Variants in PCDHGC3 observed in about 807,000 individuals in gnomAD.
PCDHGC3 encodes the protein protocadherin gamma-C3.
PCDHGC3 carries 26 observed loss-of-function variants against 59.2 expected under a neutral mutation model. The observed-to-expected ratio is 0.44, with a 90% CI of 0.32 to 0.61. The LOEUF (loss-of-function observed/expected upper bound fraction) is 0.61, where lower values mean the gene tolerates loss of function less well. PCDHGC3 is among the 20% of genes least tolerant of loss of function. PCDHGC3 has a pLI of 0.05. For synonymous variants in PCDHGC3, 487 were observed against 519.7 expected (o/e 0.94, Z 0.86); for missense variants, 1,080 against 1,221.8 (o/e 0.88, Z 1.73).
At chr5:141,488,183 T>C (rs1249953031) in intron 1 of PCDHGC3, among the ~76,000 whole-genome samples, 1 of 152,148 alleles carries the variant, frequency 6.6e-6, no homozygotes, top group Non-Finnish European at 1.5e-5. Flanking sequence ...CATAGATCTT[T>C]TGGTCTGGGT....
chr5:141,485,922 G>C lies in PCDHGC3; in HGVS notation c.2430+7376G>C. 6.2e-7 allele frequency: 1 copy of C among 1,614,170 alleles called. No individual in the cohort carries two copies. The highest frequency in any genetic ancestry group is 8.5e-7 in the Non-Finnish European group (1 of 1,180,036). On this transcript the variant is annotated intron_variant, in intron 1 of 3. Transcript: ENST00000308177. This position sits in a 1 kb window ranked among gnomAD's most constrained non-coding sequence, Gnocchi z 5.7. The stretch of plus-strand genomic sequence containing the variant: ...TTCCAGCAATCCAGCTACAGGATTA[G>C]TGTGTTGGAGAGCGCACCAGCGGGC...
Position 141,487,691 on chromosome 5 carries a change from A to T in PCDHGC3, c.2431-7116A>T. On this transcript the variant is annotated intron_variant, in intron 1 of 3. Transcript: ENST00000308177. The surrounding 1 kb of genome is among the most constrained non-coding windows in gnomAD (Gnocchi z 5.0). ...CATATGGCTAGGCCATGTCCTAGAG[A>T]GTACTGGCCTCTCAGTAAGTGCCCA... 6.2e-7 allele frequency: 1 copy of T among 1,604,122 alleles called. No individual in the cohort carries two copies. The highest frequency in any genetic ancestry group is 8.5e-7 in the Non-Finnish European group (1 of 1,174,384).
intron 1 of PCDHGC3, among the ~76,000 whole-genome samples, chr5:141,481,820 C>T (rs2099545799): frequency 6.6e-6 from 1 of 150,726 alleles, no homozygotes; most frequent in Non-Finnish European, 1.5e-5. Context: ...GGCGTGGTGG[C>T]TGAGGCAGGA....
intron 2 of PCDHGC3, among the ~76,000 whole-genome samples, chr5:141,504,651 G>A (rs905210723): frequency 8.4e-6 from 1 of 119,750 alleles, no homozygotes; most frequent in Non-Finnish European, 1.6e-5. Flanking sequence ...ATGATAGAGT[G>A]TTTGAGGGCG....
rs2099427641 is a variant in PCDHGC3, at chr5:141,477,974, G to T, written c.1858G>T (p.Ala620Ser). The T allele has an allele frequency of 1.2e-6, 2 of 1,614,034 alleles. No homozygotes were observed. The highest frequency in any genetic ancestry group is 1.6e-4 in the Middle Eastern group (1 of 6,062). The change falls in exon 1 of 4, where the codon GCC (alanine) becomes TCC (serine). Residue 620 changes from alanine (A) to serine (S), a missense_variant. Ala to Ser is a moderately conservative substitution (Grantham distance 99). Transcript: ENST00000308177. This position sits in a 1 kb window ranked among gnomAD's most constrained non-coding sequence, Gnocchi z 4.9. ...GGGATCCCCTAACCAGAGCCTTTTT[G>T]CCATAGGGCTGCACACTGGTCAAAT... ...LLGSPNQSLFAIGLHTGQIST... is the reference protein window; with the variant it reads ...LLGSPNQSLFSIGLHTGQIST...
At chr5:141,494,644 G>A in intron 1 of PCDHGC3, 163 bp from the exon 2 acceptor site, 1 of 933,684 alleles carries the variant, frequency 1.1e-6, no homozygotes. Flanking sequence ...TGAGACCTGA[G>A]GTGTATTTTG....
Position 141,477,554 on chromosome 5 carries a change from A to T in PCDHGC3, c.1438A>T (p.Ser480Cys). The T allele has an allele frequency of 6.2e-7, 1 of 1,614,112 alleles. No homozygotes were observed. Among genetic ancestry groups the T allele is most frequent in the South Asian group, 1.1e-5 (1 of 91,086 alleles). Reference sequence around the variant, plus strand: ...CCCCGGGGCTCCAATACTAAACCTAAGTGTCTGGGACCCCGACGCCCCGCA... The same window carrying T: ...CCCCGGGGCTCCAATACTAAACCTATGTGTCTGGGACCCCGACGCCCCGCA... ...NLPGAPILNLSVWDPDAPQNA... is the reference protein window; with the variant it reads ...NLPGAPILNLCVWDPDAPQNA... Residue 480 changes from serine (S) to cysteine (C), a missense_variant, in exon 1 of 4, where the codon AGT (serine) becomes TGT (cysteine). Transcript: ENST00000308177. This position sits in a 1 kb window ranked among gnomAD's most constrained non-coding sequence, Gnocchi z 4.9.
chr5:141,495,470 C>A (rs2099761615), intron 2 of PCDHGC3, among the ~76,000 whole-genome samples: 1 of 152,196 alleles, frequency 6.6e-6, no homozygotes, highest in African/African-American at 2.4e-5. Flanking sequence ...GTGGGGTCTC[C>A]GTGTCTCTGC....
At position 141,511,227 on chromosome 5, in the gene PCDHGC3, TCTC is replaced by T. The variant is rs2099883680; in HGVS notation, c.*57_*59del. 2 of 1,599,470 alleles carry T rather than the reference TCTC, an allele frequency of 1.3e-6. No homozygotes were observed. Among genetic ancestry groups the T allele is most frequent in the Non-Finnish European group, 1.7e-6 (2 of 1,173,054 alleles). ...CGGCCTCTCCCCAACCAGCCCAGCTTCTCCTTACCTGCACCCAGGCCTCAGAGT... is the reference window on the plus strand; with the variant it reads ...CGGCCTCTCCCCAACCAGCCCAGCTTCTTACCTGCACCCAGGCCTCAGAGT... On this transcript the variant is annotated 3_prime_UTR_variant, in exon 4 of 4. Transcript: ENST00000308177.
intron 1 of PCDHGC3, chr5:141,478,866 C>T (rs1392885307): frequency 1.5e-6 from 2 of 1,304,352 alleles, no homozygotes; most frequent in Non-Finnish European, 2.0e-6. Flanking sequence ...TCTCAGCGAT[C>T]AGAGTTTAGC....
At position 141,486,092 on chromosome 5, in the gene PCDHGC3, C is replaced by T. The variant is rs2099624294; in HGVS notation, c.2430+7546C>T. The T allele has an allele frequency of 3.7e-6, 6 of 1,614,148 alleles. No homozygotes were observed. In the East Asian group the frequency reaches 1.3e-4, roughly 36 times the overall value. On this transcript the variant is annotated intron_variant, in intron 1 of 3. Coordinates refer to ENST00000308177, the MANE Select transcript of PCDHGC3 (RefSeq NM_002588.4). This position sits in a 1 kb window ranked among gnomAD's most constrained non-coding sequence, Gnocchi z 5.0. Reference sequence around the variant, plus strand: ...TACTGGAAAGCTTACTCTTTTGGGGCCCCTAGACTTTGAGAGTGAGAATTA... The same window carrying T: ...TACTGGAAAGCTTACTCTTTTGGGGTCCCTAGACTTTGAGAGTGAGAATTA...
At chr5:141,508,739 C>A (rs1344024245) in intron 3 of PCDHGC3, among the ~76,000 whole-genome samples, 1 of 152,156 alleles carries the variant, frequency 6.6e-6, no homozygotes, top group African/African-American at 2.4e-5. Context: ...ACACCCCCCA[C>A]CCCGCTCTTT....
At position 141,490,840 on chromosome 5, in the gene PCDHGC3, G is replaced by C. The variant is rs1177428192; in HGVS notation, c.2431-3967G>C. On this transcript the variant is annotated intron_variant, in intron 1 of 3. Transcript: ENST00000308177. This position sits in a 1 kb window ranked among gnomAD's most constrained non-coding sequence, Gnocchi z 5.4. Reference sequence around the variant, plus strand: ...ATTGCTGCAGATGCTGCAGATTGTGGTGGGGGTTCGAGACTCCGGCTCTCC... The same window carrying C: ...ATTGCTGCAGATGCTGCAGATTGTGCTGGGGGTTCGAGACTCCGGCTCTCC... 2 of 1,613,900 alleles carry C rather than the reference G, an allele frequency of 1.2e-6. No homozygotes were observed. Among genetic ancestry groups the C allele is most frequent in the Middle Eastern group, 3.3e-4 (2 of 6,058 alleles).
In PCDHGC3 at chr5:141,485,576, C is replaced by T. The variant is rs1347032247; in HGVS notation, c.2430+7030C>T. ...GAATGATCACGCCCCCCGTTTTCCG[C>T]GGCAGCAGCTGGACTTGGAAATTGG... On this transcript the variant is annotated intron_variant, in intron 1 of 3. Transcript: ENST00000308177. The surrounding 1 kb of genome is among the most constrained non-coding windows in gnomAD (Gnocchi z 5.7). 21 of 1,612,296 alleles carry T rather than the reference C, an allele frequency of 1.3e-5. 1 individual carries two copies. Among genetic ancestry groups the T allele is most frequent in the Non-Finnish European group, 1.8e-5 (21 of 1,178,636 alleles).
Position 141,489,897 on chromosome 5 carries a change from C to G in PCDHGC3, c.2431-4910C>G. ...TGCTTACTGCTGTGGATGGGGGGAC[C>G]CCAGCCCGCTCAGGGACCACCCTTA... is the stretch of plus-strand genomic sequence containing the variant. On this transcript the variant is annotated intron_variant, in intron 1 of 3. Transcript: ENST00000308177. This position sits in a 1 kb window ranked among gnomAD's most constrained non-coding sequence, Gnocchi z 4.5. 1 of 1,614,162 alleles carries G rather than the reference C, an allele frequency of 6.2e-7. No individual in the cohort carries two copies. Among genetic ancestry groups the G allele is most frequent in the Non-Finnish European group, 8.5e-7 (1 of 1,180,016 alleles).
chr5:141,503,608 A>G (rs1451651299), intron 2 of PCDHGC3, among the ~76,000 whole-genome samples: 3 of 151,994 alleles, frequency 2.0e-5, no homozygotes, highest in South Asian at 2.1e-4. Flanking sequence ...CAAAAAAAAA[A>G]AAAAAAGAAA....
rs765249445 is a variant in PCDHGC3, at chr5:141,489,754, C to T, written c.2431-5053C>T. ...CACCAATACTGTGAGCTTTTACACT[C>T]TAAGCCCCAACAGCCACTTCTCTCT... is the stretch of plus-strand genomic sequence containing the variant. On this transcript the variant is annotated intron_variant, in intron 1 of 3. Coordinates refer to ENST00000308177, the MANE Select transcript of PCDHGC3 (RefSeq NM_002588.4). The surrounding 1 kb of genome is among the most constrained non-coding windows in gnomAD (Gnocchi z 4.5). The T allele has an allele frequency of 4.0e-5, 64 of 1,613,992 alleles. No individual in the cohort carries two copies. The South Asian group carries it at 6.8e-4, about 17-fold the overall frequency.
chr5:141,503,130 C>A (rs1406819266), intron 2 of PCDHGC3, among the ~76,000 whole-genome samples: 1 of 151,980 alleles, frequency 6.6e-6, no homozygotes, highest in Non-Finnish European at 1.5e-5. Context: ...CCTCTGGTAG[C>A]CCCTGACACA....
At position 141,487,688 on chromosome 5, in the gene PCDHGC3, G is replaced by A. The variant is rs376927186; in HGVS notation, c.2431-7119G>A. On this transcript the variant is annotated intron_variant, in intron 1 of 3. Coordinates refer to ENST00000308177, the MANE Select transcript of PCDHGC3 (RefSeq NM_002588.4). The surrounding 1 kb of genome is among the most constrained non-coding windows in gnomAD (Gnocchi z 5.0). ...AGGCATATGGCTAGGCCATGTCCTA[G>A]AGAGTACTGGCCTCTCAGTAAGTGC... 6.2e-7 allele frequency: 1 copy of A among 1,604,966 alleles called. No homozygotes were observed.
Sources: gnomAD v4.1 joint callset for allele counts (sites outside exome capture counted in the v4.1 genomes callset) on GRCh38, gnomAD v4.1.1 for gene constraint, Gnocchi (gnomAD v3.1) non-coding constraint, MANE v1.5 for transcripts, NCBI Gene and HGNC (gene_info 2026-07-23, HGNC 2026-07-21) for gene names.